The following SPG11 variants were observed in gnomAD, a reference collection of about 807,000 sequenced individuals.
SPG11 encodes SPG11 vesicle trafficking associated, spatacsin.
SPG11 carries 222 observed loss-of-function variants against 274.0 expected under a neutral mutation model. The observed-to-expected ratio is 0.81, with a 90% CI of 0.73 to 0.91. The LOEUF (loss-of-function observed/expected upper bound fraction) is 0.91. Ranked by LOEUF, SPG11 falls within the 40% of genes least tolerant of loss-of-function variation. The pLI is 0.00. For synonymous variants in SPG11, 1,144 were observed against 1,039.7 expected, an observed-to-expected ratio of 1.10 and a Z score of -1.93; for missense variants, 3,114 against 2,872.7, an observed-to-expected ratio of 1.08 and a Z score of -1.92.
At chr15:44,636,967 A>AC (rs2084294269) in intron 7 of SPG11, among the ~76,000 whole-genome samples, 2 of 147,364 alleles carry the variant, frequency 1.4e-5, no homozygotes, top group South Asian at 2.2e-4. Context: ...ACAAAAAAAA[A>AC]ACACAAATGT....
At chr15:44,634,330 A>T (rs899174927) in intron 7 of SPG11, among the ~76,000 whole-genome samples, 4 of 152,166 alleles carry the variant, frequency 2.6e-5, no homozygotes, top group African/African-American at 9.7e-5. Flanking sequence ...GCTGAGGTAC[A>T]GTGGCATGAT....
chr15:44,613,556 A>C lies in SPG11; in HGVS notation c.3039-20T>G, dbSNP rs751774189. On this transcript the variant is annotated intron_variant, in intron 16 of 39. Transcript: ENST00000261866. ...CTAAGTCTGTATATAAAACAAACAA[A>C]AACCTTCTTTGATTAACATACAGGA... is the stretch of plus-strand genomic sequence containing the variant. The C allele has an allele frequency of 1.1e-5, 17 of 1,505,922 alleles. No homozygotes were observed. In the South Asian group the frequency reaches 1.9e-4, roughly 17 times the overall value. 93.3% of individuals were successfully genotyped at this position (1,505,922 alleles called of 1,614,324 possible).
At chr15:44,590,929 T>C (rs1346257166) in intron 27 of SPG11, 1 of 152,196 alleles carries the variant, frequency 6.6e-6, no homozygotes, top group Non-Finnish European at 1.5e-5. Flanking sequence ...GACGTAGGTT[T>C]TAGAAGACAA....
chr15:44,609,886 G>A (rs1345318199), intron 18 of SPG11, among the ~76,000 whole-genome samples: 2 of 145,432 alleles, frequency 1.4e-5, no homozygotes, highest in African/African-American at 5.1e-5. Flanking sequence ...ACGCCACCAT[G>A]CCCAGCTAAT....
intron 11 of SPG11, 44 bp from the exon 12 acceptor site, chr15:44,622,843 G>C: frequency 7.1e-7 from 1 of 1,418,014 alleles, no homozygotes; most frequent in Non-Finnish European, 1.0e-6. Context: ...ATTTTGTAAT[G>C]GAACTATTTT....
chr15:44,568,881 T>C (rs1309214273), intron 35 of SPG11, among the ~76,000 whole-genome samples: 1 of 152,050 alleles, frequency 6.6e-6, no homozygotes, highest in Non-Finnish European at 1.5e-5. Context: ...TTCTTCAGTA[T>C]TTAGCATCGG....
At chr15:44,577,712 C>T (rs1375821761) in intron 30 of SPG11, among the ~76,000 whole-genome samples, 1 of 152,008 alleles carries the variant, frequency 6.6e-6, no homozygotes, top group Non-Finnish European at 1.5e-5. Context: ...CATACAAGGA[C>T]TCTGGAAAAG....
intron 7 of SPG11, among the ~76,000 whole-genome samples, chr15:44,637,710 A>C (rs563052735): frequency 1.3e-5 from 2 of 152,234 alleles, no homozygotes; most frequent in Non-Finnish European, 2.9e-5. Context: ...GGCTACATTT[A>C]CAATGGTGGT....
chr15:44,594,179 C>G (rs191797478), intron 26 of SPG11, among the ~76,000 whole-genome samples: 1 of 151,482 alleles, frequency 6.6e-6, no homozygotes, highest in South Asian at 2.1e-4. Flanking sequence ...TAAATCCCAG[C>G]GCTTTGGGAG....
intron 20 of SPG11, among the ~76,000 whole-genome samples, chr15:44,603,331 A>T (rs751505063): frequency 2.6e-5 from 4 of 152,206 alleles, no homozygotes; most frequent in Non-Finnish European, 5.9e-5. Context: ...CGCCTCAAGC[A>T]ATCCTTCCAC....
chr15:44,596,732 T>A lies in SPG11; in HGVS notation c.4161+52A>T, dbSNP rs1037651244. 1.3e-5 allele frequency: 15 copies of A among 1,119,682 alleles called. No individual in the cohort carries two copies. The African/African-American group carries it at 2.2e-4, about 16-fold the overall frequency. The allele number at this position is 1,119,682 out of a possible 1,614,324, so 69.4% of individuals were successfully genotyped here. Reference sequence around the variant, plus strand: ...ACACAACAGAAAGAATGCTATCTTCTAAGAAGTGTTCCTATTTCCTTTTGA... The same window carrying A: ...ACACAACAGAAAGAATGCTATCTTCAAAGAAGTGTTCCTATTTCCTTTTGA... On this transcript the variant is annotated intron_variant, in intron 24 of 39. Transcript: ENST00000261866.
intron 28 of SPG11, among the ~76,000 whole-genome samples, chr15:44,588,310 C>CA (rs901145192): frequency 4.7e-5 from 7 of 148,948 alleles, no homozygotes. Context: ...AAAAAACAAA[C>CA]AAAAAAACAA....
intron 7 of SPG11, among the ~76,000 whole-genome samples, chr15:44,638,977 C>A (rs1595911706): frequency 6.6e-6 from 1 of 151,184 alleles, no homozygotes; most frequent in East Asian, 1.9e-4. Context: ...GCCTGGGTGA[C>A]AGAGTGAGAC....
In SPG11 at chr15:44,565,905, C is replaced by T; in HGVS notation, c.6948G>A (p.Leu2316=). Residue 2316 remains leucine (L), a synonymous_variant, in exon 38 of 40, where the codon TTG becomes TTA. Transcript: ENST00000261866. ...NTGQNTMLIN[L]GRHKLMDCIL... is the part of the protein sequence containing the mutation. ...TACAGTCCATCAGCTTGTGGCGGCC[C>T]AAGTTGATGAGCATTGTGTTCTGGC... 1.2e-6 allele frequency: 2 copies of T among 1,613,724 alleles called. No homozygotes were observed. Among genetic ancestry groups the T allele is most frequent in the Non-Finnish European group, 1.7e-6 (2 of 1,179,978 alleles).
chr15:44,644,113 G>C (rs1478065348), intron 7 of SPG11, among the ~76,000 whole-genome samples: 6 of 150,820 alleles, frequency 4.0e-5, no homozygotes, highest in Non-Finnish European at 8.8e-5. Flanking sequence ...CTTGCAGTGA[G>C]CCGAGATCGC....
At chr15:44,609,092 C>T (rs2083393039) in intron 18 of SPG11, among the ~76,000 whole-genome samples, 1 of 152,200 alleles carries the variant, frequency 6.6e-6, no homozygotes, top group Non-Finnish European at 1.5e-5. Context: ...CTAAGTTAAG[C>T]TAGCACCATT....
At position 44,566,233 on chromosome 15, in the gene SPG11, G is replaced by A; in HGVS notation, c.6827C>T (p.Ala2276Val). 6.2e-7 allele frequency: 1 copy of A among 1,614,194 alleles called. No homozygotes were observed. Among genetic ancestry groups the A allele is most frequent in the Non-Finnish European group, 8.5e-7 (1 of 1,180,020 alleles). The stretch of plus-strand genomic sequence containing the variant: ...TTGGGTTACCTTGGCATAACTCTCT[G>A]CTGCATCCAACATCAGAGTCAGGGC... ...LKALTLMLDA[A>V]ESYAKDSCVR... The change falls in exon 37 of 40, where the codon GCA (alanine) becomes GTA (valine). Residue 2276 changes from alanine (A) to valine (V), a missense_variant. Coordinates refer to ENST00000261866, the MANE Select transcript of SPG11 (RefSeq NM_025137.4).
chr15:44,597,179 T>C, intron 23 of SPG11: 1 of 402,184 alleles, frequency 2.5e-6, no homozygotes, highest in South Asian at 2.3e-5. Context: ...AATGGTGCGA[T>C]CTCAGCTCAC....
At chr15:44,563,354 TGTTTGA>T in intron 39 of SPG11, 53 bp from the exon 40 acceptor site, 1 of 1,540,856 alleles carries the variant, frequency 6.5e-7, no homozygotes. Context: ...TGTTTTGTTT[TGTTTGA>T]GACAGTCTTA....
Sources: allele counts gnomAD v4.1 joint callset (sites outside exome capture counted in the v4.1 genomes callset), GRCh38; gene constraint gnomAD v4.1.1; transcripts MANE v1.5; gene names NCBI Gene and HGNC (gene_info 2026-07-23, HGNC 2026-07-21).